Variants in KTN1 observed in about 807,000 individuals in gnomAD.
The protein encoded by KTN1 is kinectin.
Under a neutral mutation model 222.5 loss-of-function variants are expected in KTN1, and 130 were observed. The ratio of observed to expected loss-of-function variants is 0.58; its 90% CI spans 0.51 to 0.68. KTN1 has a LOEUF of 0.68. Ranked by LOEUF, KTN1 falls within the 30% of genes least tolerant of loss-of-function variation. KTN1 has a pLI of 0.00. For synonymous variants in KTN1, 512 were observed against 496.3 expected, an observed-to-expected ratio of 1.03 and a Z score of -0.42; for missense variants, 1,508 against 1,500.4, an observed-to-expected ratio of 1.01 and a Z score of -0.08.
At chr14:55,611,282 T>G (rs1298811374) in intron 1 of KTN1, among the ~76,000 whole-genome samples, 3 of 141,896 alleles carry the variant, frequency 2.1e-5, no homozygotes, top group South Asian at 2.3e-4. Flanking sequence ...TTTTTTTTTT[T>G]GTAAAGGCAG....
chr14:55,617,596 G>A (rs1048403604), intron 3 of KTN1, among the ~76,000 whole-genome samples: 1 of 152,124 alleles, frequency 6.6e-6, no homozygotes, highest in African/African-American at 2.4e-5. Flanking sequence ...AGTTGGTAAA[G>A]TACCAACATA....
chr14:55,620,506 A>G (rs1364836904), intron 5 of KTN1, among the ~76,000 whole-genome samples: 2 of 152,188 alleles, frequency 1.3e-5, no homozygotes, highest in Non-Finnish European at 2.9e-5. Flanking sequence ...AGGTGTTTCC[A>G]TACATCCTCT....
At chr14:55,585,969 G>C (rs553948406) in intron 1 of KTN1, among the ~76,000 whole-genome samples, 2 of 152,184 alleles carry the variant, frequency 1.3e-5, no homozygotes, top group Non-Finnish European at 2.9e-5. Flanking sequence ...GTGAATTCAA[G>C]TAAGTGTACA....
At chr14:55,619,535 A>C (rs2038847485) in intron 5 of KTN1, among the ~76,000 whole-genome samples, 1 of 152,198 alleles carries the variant, frequency 6.6e-6, no homozygotes, top group South Asian at 2.1e-4. Context: ...AAAGAGTTTA[A>C]ATGGCTCACA....
chr14:55,598,450 AAG>A (rs1334293343), intron 1 of KTN1, among the ~76,000 whole-genome samples: 9 of 151,880 alleles, frequency 5.9e-5, no homozygotes, highest in Non-Finnish European at 1.3e-4. Flanking sequence ...AAAAAAAAAA[AAG>A]AATATTGGTT....
At chr14:55,672,862 G>T in intron 38 of KTN1, 67 bp from the exon 39 acceptor site, 1 of 1,292,752 alleles carries the variant, frequency 7.7e-7, no homozygotes, top group East Asian at 2.3e-5. Context: ...TCATAATTTT[G>T]TCTTGTGGGG....
At chr14:55,649,029 G>A (rs1194602185) in intron 21 of KTN1, among the ~76,000 whole-genome samples, 159 bp downstream of exon 21, 1 of 152,132 alleles carries the variant, frequency 6.6e-6, no homozygotes, top group East Asian at 1.9e-4. Flanking sequence ...GGGCTCAACC[G>A]ATAACTCCTC....
At chr14:55,610,865 G>A (rs2037445957) in intron 1 of KTN1, among the ~76,000 whole-genome samples, 1 of 152,234 alleles carries the variant, frequency 6.6e-6, no homozygotes, top group African/African-American at 2.4e-5. Context: ...CAAGGCAGAT[G>A]TTGGTAGTCA....
At position 55,580,328 on chromosome 14, in the gene KTN1, C is replaced by T. The variant is rs902347923; in HGVS notation, c.-57C>T. ...TGTAGTGCCGGCGCCGCCGCGTCTT[C>T]CCGGTCTCCTTTCCCGGCCGCACAG... is the stretch of plus-strand genomic sequence containing the variant. On this transcript the variant is annotated 5_prime_UTR_variant, in exon 1 of 44. Transcript: ENST00000395314. 1 of 148,742 alleles carries T rather than the reference C, an allele frequency of 6.7e-6. No homozygotes were observed. Among genetic ancestry groups the T allele is most frequent in the African/African-American group, 2.4e-5 (1 of 40,922 alleles). The allele number at this position is 148,742 out of a possible 1,614,324, so 9.2% of individuals were successfully genotyped here.
intron 18 of KTN1, among the ~76,000 whole-genome samples, chr14:55,642,310 TTAGAG>T (rs1219689751): frequency 6.6e-6 from 1 of 152,154 alleles, no homozygotes; most frequent in Non-Finnish European, 1.5e-5. Flanking sequence ...TTCTTTTCCC[TTAGAG>T]TATTTATTTT....
Position 55,646,816 on chromosome 14 carries a change from GAATTT to G in KTN1, c.2173-156_2173-152del, listed in dbSNP as rs1185783796. On this transcript the variant is annotated intron_variant, in intron 18 of 43. Coordinates refer to ENST00000395314, the MANE Select transcript of KTN1 (RefSeq NM_001079521.2). ...TGTATCTCTTTGTTTTGTGTTTTCT[GAATTT>G]TTTAATTATCAAGTCTTCAGATAAG... is the stretch of plus-strand genomic sequence containing the variant. 2.0e-5 allele frequency among the ~76,000 whole-genome samples: 3 copies of G among 151,484 alleles called. No homozygotes were observed. The East Asian group carries it at 5.8e-4, about 29-fold the overall frequency.
chr14:55,666,343 G>T (rs1476019401), intron 33 of KTN1, among the ~76,000 whole-genome samples: 1 of 151,828 alleles, frequency 6.6e-6, no homozygotes, highest in African/African-American at 2.4e-5. Context: ...TTGCCTTCTT[G>T]TCACCTGTTG....
chr14:55,620,460 G>A (rs2038983874), intron 5 of KTN1, among the ~76,000 whole-genome samples: 1 of 152,190 alleles, frequency 6.6e-6, no homozygotes, highest in Admixed American at 6.5e-5. Flanking sequence ...CTCCATGAGG[G>A]CCCCACCCCT....
chr14:55,675,658 T>C, intron 40 of KTN1, 177 bp from the exon 41 acceptor site: 1 of 445,062 alleles, frequency 2.2e-6, no homozygotes. Context: ...TATGTTTAGC[T>C]TTACAGATGG....
chr14:55,642,085 G>C (rs954796880), intron 18 of KTN1, among the ~76,000 whole-genome samples: 1 of 152,142 alleles, frequency 6.6e-6, no homozygotes, highest in Non-Finnish European at 1.5e-5. Flanking sequence ...TTCTTTTAGG[G>C]AGCATGGTGT....
In KTN1 at chr14:55,651,939, T is replaced by G; in HGVS notation, c.2603+12T>G. 1 of 1,506,560 alleles carries G rather than the reference T, an allele frequency of 6.6e-7. No homozygotes were observed. The highest frequency in any genetic ancestry group is 1.2e-5 in the South Asian group (1 of 84,954). The allele number at this position is 1,506,560 out of a possible 1,614,324, so 93.3% of individuals were successfully genotyped here. A position where few individuals can be genotyped will look rare whatever the true frequency, so the allele number is the denominator to read the frequency against. On this transcript the variant is annotated intron_variant, in intron 25 of 43. Transcript: ENST00000395314. ...GAGCTTCAGAACTTGTAAGTACCAT[T>G]TATCTCATTTCCTTTTACTATTTCT...
chr14:55,651,610 C>T (rs2042938609), intron 24 of KTN1: 1 of 410,192 alleles, frequency 2.4e-6, no homozygotes, highest in Admixed American at 3.9e-5. Context: ...TTCTCCATCC[C>T]ACTGCTTCAC....
Position 55,673,027 on chromosome 14 carries a change from A to G in KTN1, c.3687+15A>G, listed in dbSNP as rs1244062643. ...AAGTCAGAGAGGTACTTACAACAGAATCTTTTCAAACTTGCTTCTCAATTC... is the reference window on the plus strand; with the variant it reads ...AAGTCAGAGAGGTACTTACAACAGAGTCTTTTCAAACTTGCTTCTCAATTC... On this transcript the variant is annotated intron_variant, in intron 39 of 43. Transcript: ENST00000395314. 6.3e-7 allele frequency: 1 copy of G among 1,594,982 alleles called. No homozygotes were observed. Among genetic ancestry groups the G allele is most frequent in the African/African-American group, 1.3e-5 (1 of 74,596 alleles).
At chr14:55,637,681 G>C in intron 11 of KTN1, 98 bp from the exon 12 acceptor site, 1 of 761,464 alleles carries the variant, frequency 1.3e-6, no homozygotes, top group Non-Finnish European at 2.0e-6. Context: ...AAAAAAAAAA[G>C]AAAAAGATAA....
Sources: allele counts gnomAD v4.1 joint callset (sites outside exome capture counted in the v4.1 genomes callset), GRCh38; gene constraint gnomAD v4.1.1; transcripts MANE v1.5; gene names NCBI Gene and HGNC (gene_info 2026-07-23, HGNC 2026-07-21).